SCYL3: variants seen among roughly 807,000 people sequenced by gnomAD.
The protein encoded by SCYL3 is protein-associating with the carboxyl-terminal domain of ezrin.
Under a neutral mutation model 73.8 loss-of-function variants are expected in SCYL3, and 35 were observed. That is an observed-to-expected ratio of 0.47 (90% CI 0.36 to 0.63). The LOEUF (loss-of-function observed/expected upper bound fraction) is 0.63. Ranked by LOEUF, SCYL3 falls within the 20% of genes least tolerant of loss-of-function variation. SCYL3 has a pLI of 0.00. For synonymous variants in SCYL3, 277 were observed against 295.2 expected, an observed-to-expected ratio of 0.94 and a Z score of 0.63; for missense variants, 712 against 798.9, an observed-to-expected ratio of 0.89 and a Z score of 1.31.
rs1281577507 is a variant in SCYL3, at chr1:169,854,356, G to T, written c.1921C>A (p.Leu641Met). Residue 641 changes from leucine (L) to methionine (M), a missense_variant, in exon 12 of 13, where the codon CTG (leucine) becomes ATG (methionine). Around this residue, in one of 2 missense-constraint regions of SCYL3, gnomAD observed 370 missense variants for 350.8 expected, o/e 1.05. Coordinates refer to ENST00000367771, the MANE Select transcript of SCYL3 (RefSeq NM_020423.7). ...TTTTTTGGGACCATTTCTGTCCTCA[G>T]TTCAGGTAATATAAGAAAAGCAGCA... ...PSAAFLILPE[L>M]RTEMVPKKDD... 3 of 1,613,932 alleles carry T rather than the reference G, an allele frequency of 1.9e-6. No individual in the cohort carries two copies. The highest frequency in any genetic ancestry group is 2.5e-6 in the Non-Finnish European group (3 of 1,179,944).
chr1:169,864,160 A>C (rs571594938), intron 9 of SCYL3, among the ~76,000 whole-genome samples: 3 of 152,274 alleles, frequency 2.0e-5, no homozygotes, highest in African/African-American at 7.2e-5. Flanking sequence ...TACTATAGTA[A>C]ATTGGACTCT....
At position 169,852,528 on chromosome 1, in the gene SCYL3, T is replaced by C. The variant is rs574851171; in HGVS notation, c.*1185A>G. On this transcript the variant is annotated 3_prime_UTR_variant, in exon 13 of 13. Transcript: ENST00000367771. ...GCTTGGACTATGCAGCACTTCTCAT[T>C]GGGAGCCCTTTGGGACAGGATACTT... The C allele has an allele frequency of 2.1e-6, 1 of 474,580 alleles. No individual in the cohort carries two copies. Among genetic ancestry groups the C allele is most frequent in the African/African-American group, 1.9e-5 (1 of 51,564 alleles). 29.4% of individuals were successfully genotyped at this position (474,580 alleles called of 1,614,324 possible).
rs1174832339 is a variant in SCYL3 at position 169,878,643 on chromosome 1, A to C, written c.342T>G (p.Leu114=). 3.7e-6 allele frequency: 6 copies of C among 1,611,920 alleles called. No homozygotes were observed. Among genetic ancestry groups the C allele is most frequent in the Non-Finnish European group, 5.1e-6 (6 of 1,179,214 alleles). Residue 114 remains leucine, a synonymous_variant, in exon 3 of 13, where the codon CTT becomes CTG. Transcript: ENST00000367771. ...TATACAGGTTACTTACTCTGTCATG[A>C]AGGAAGATAAGAGCCAGCAATATGT... ...IYDILLALIF[L]HDRGHLTHNN...
chr1:169,890,905 G>T (rs1662036587), intron 1 of SCYL3, among the ~76,000 whole-genome samples: 1 of 152,242 alleles, frequency 6.6e-6, no homozygotes, highest in South Asian at 2.1e-4. Flanking sequence ...TAATCCCTCT[G>T]TTCTGGAGAT....
intron 4 of SCYL3, among the ~76,000 whole-genome samples, chr1:169,874,444 G>A (rs1262747200): frequency 6.6e-6 from 1 of 152,176 alleles, no homozygotes; most frequent in East Asian, 1.9e-4. Flanking sequence ...AATGCCTAGG[G>A]GAAGGAGTCA....
At chr1:169,874,243 T>C (rs1444704689) in intron 4 of SCYL3, among the ~76,000 whole-genome samples, 1 of 152,224 alleles carries the variant, frequency 6.6e-6, no homozygotes, top group African/African-American at 2.4e-5. Flanking sequence ...ATTAATTTGC[T>C]AGTTTCGAAG....
At chr1:169,855,770 A>ACC in intron 11 of SCYL3, 1 of 1,597,300 alleles carries the variant, frequency 6.3e-7, no homozygotes, top group Non-Finnish European at 8.5e-7. Flanking sequence ...AGCAATGGAA[A>ACC]AGCTATATAA....
chr1:169,851,542 A>G lies in SCYL3; in HGVS notation c.*2171T>C. On this transcript the variant is annotated 3_prime_UTR_variant, in exon 13 of 13. Coordinates refer to ENST00000367771, the MANE Select transcript of SCYL3 (RefSeq NM_020423.7). ...CTGGATTTTAAGTACATGTGTATAC[A>G]CTGCTGTTGCCAGTTTCTTAGCTTA... 2.4e-6 allele frequency: 1 copy of G among 411,718 alleles called. No homozygotes were observed. The highest frequency in any genetic ancestry group is 3.5e-5 in the South Asian group (1 of 28,776). 25.5% of individuals were successfully genotyped at this position (411,718 alleles called of 1,614,324 possible).
At chr1:169,872,941 C>A (rs1321317569) in intron 5 of SCYL3, among the ~76,000 whole-genome samples, 3 of 152,272 alleles carry the variant, frequency 2.0e-5, no homozygotes, top group South Asian at 2.1e-4. Flanking sequence ...AGGGACTTGC[C>A]TCATCTCAGA....
At chr1:169,891,450 G>C (rs1368693315) in intron 1 of SCYL3, among the ~76,000 whole-genome samples, 1 of 152,076 alleles carries the variant, frequency 6.6e-6, no homozygotes, top group Admixed American at 6.6e-5. Flanking sequence ...GAAACTAATT[G>C]CCATTTCATA....
At chr1:169,877,955 C>A (rs918637293) in intron 3 of SCYL3, among the ~76,000 whole-genome samples, 4 of 152,090 alleles carry the variant, frequency 2.6e-5, no homozygotes, top group African/African-American at 9.7e-5. Context: ...GTGTTTCTAA[C>A]CTGTGACTAG....
intron 2 of SCYL3, 31 bp downstream of exon 2, chr1:169,888,645 C>T (rs967001520): frequency 1.3e-6 from 2 of 1,564,172 alleles, no homozygotes; most frequent in Admixed American, 1.8e-5. Context: ...GTAAAAAGTA[C>T]TAACTATTAA....
chr1:169,879,468 A>C (rs1441635333), intron 2 of SCYL3, among the ~76,000 whole-genome samples: 3 of 152,244 alleles, frequency 2.0e-5, no homozygotes, highest in African/African-American at 7.2e-5. Flanking sequence ...AAACCAGCAG[A>C]GCAAAGTTTT....
At chr1:169,854,205 G>T in intron 12 of SCYL3, 65 bp downstream of exon 12, 1 of 1,258,790 alleles carries the variant, frequency 7.9e-7, no homozygotes, top group Non-Finnish European at 1.1e-6. Context: ...ATGGGATACT[G>T]CAACTAGGAC....
chr1:169,855,679 G>T, intron 11 of SCYL3: 1 of 921,222 alleles, frequency 1.1e-6, no homozygotes, highest in Non-Finnish European at 1.6e-6. Context: ...GACCAAAGCT[G>T]ACTACATAAT....
intron 12 of SCYL3, 79 bp from the exon 13 acceptor site, chr1:169,853,851 G>A: frequency 6.6e-7 from 1 of 1,523,344 alleles, no homozygotes; most frequent in Non-Finnish European, 9.1e-7. Context: ...GAAAAAGCAG[G>A]AATTTAAAAT....
rs887529776 is a variant in SCYL3 at position 169,870,134 on chromosome 1, C to G, written c.625+121G>C. On this transcript the variant is annotated intron_variant, in intron 6 of 12. Coordinates refer to ENST00000367771, the MANE Select transcript of SCYL3 (RefSeq NM_020423.7). ...TTAGTATCTGCCCTAAAAAAGTTACCTGGTAAGCAAAAGATTCCTTACTGT... is the reference window on the plus strand; with the variant it reads ...TTAGTATCTGCCCTAAAAAAGTTACGTGGTAAGCAAAAGATTCCTTACTGT... 7 of 682,548 alleles carry G rather than the reference C, an allele frequency of 1.0e-5. No homozygotes were observed. The Admixed American group carries it at 2.3e-4, about 23-fold the overall frequency. 42.3% of individuals were successfully genotyped at this position (682,548 alleles called of 1,614,324 possible).
chr1:169,875,801 C>G (rs12023869), intron 4 of SCYL3, among the ~76,000 whole-genome samples, 177 bp downstream of exon 4: 1 of 152,310 alleles, frequency 6.6e-6, no homozygotes, highest in African/African-American at 2.4e-5. Context: ...GGATACATGA[C>G]CCCCACTGCC....
At chr1:169,875,522 C>T (rs1199353213) in intron 4 of SCYL3, among the ~76,000 whole-genome samples, 1 of 152,150 alleles carries the variant, frequency 6.6e-6, no homozygotes, top group Non-Finnish European at 1.5e-5. Context: ...GCAACTCGGA[C>T]AATTGTTCAA....
Sources: gnomAD v4.1 joint callset for allele counts (sites outside exome capture counted in the v4.1 genomes callset) on GRCh38, gnomAD v4.1.1 for gene constraint, gnomAD v4.1.1 regional missense constraint, MANE v1.5 for transcripts, NCBI Gene and HGNC (gene_info 2026-07-23, HGNC 2026-07-21) for gene names.